Variants in SDK1 observed in about 807,000 individuals in gnomAD.
SDK1 encodes protein sidekick-1.
A neutral mutation model predicts 245.5 loss-of-function variants in SDK1; 157 were observed. The observed-to-expected ratio is 0.64, with a 90% CI of 0.56 to 0.73. The LOEUF is 0.73. Among genes scored for constraint, SDK1 ranks in the 30% least tolerant of loss-of-function variants. The pLI, the probability that SDK1 is intolerant of heterozygous loss-of-function variation, is 0.00. For synonymous variants in SDK1, 1,647 were observed against 1,278.5 expected, an observed-to-expected ratio of 1.29 and a Z score of -6.15; for missense variants, 3,583 against 3,002.3, an observed-to-expected ratio of 1.19 and a Z score of -4.52.
At chr7:4,150,044 TAGC>T (rs894682535) in intron 30 of SDK1, among the ~76,000 whole-genome samples, 2 of 152,082 alleles carry the variant, frequency 1.3e-5, no homozygotes, top group African/African-American at 4.8e-5. Flanking sequence ...GCATTGACAA[TAGC>T]AGCGGCGTTC....
At chr7:3,903,682 T>C (rs930867723) in intron 5 of SDK1, among the ~76,000 whole-genome samples, 1 of 152,200 alleles carries the variant, frequency 6.6e-6, no homozygotes, top group African/African-American at 2.4e-5. Flanking sequence ...ACATGTTTTT[T>C]AGCACTCATG....
chr7:3,876,716 T>C (rs925557603), intron 5 of SDK1, among the ~76,000 whole-genome samples: 38 of 152,356 alleles, frequency 2.5e-4, no homozygotes, highest in Non-Finnish European at 4.6e-4. Context: ...GGATACTTAC[T>C]GTCTTTTCTT....
At chr7:3,505,683 G>A (rs371109146) in intron 1 of SDK1, among the ~76,000 whole-genome samples, 6 of 151,864 alleles carry the variant, frequency 4.0e-5, no homozygotes, top group African/African-American at 1.5e-4. Context: ...AAATAAACTC[G>A]GCCCTCTATG....
chr7:3,663,141 G>A (rs181167091), intron 4 of SDK1, among the ~76,000 whole-genome samples: 112 of 152,242 alleles, frequency 7.4e-4, no homozygotes, highest in Admixed American at 1.2e-3. Flanking sequence ...GTTTTCAATG[G>A]TAAGCAGAAA....
chr7:3,905,163 C>T (rs1778854277), intron 5 of SDK1, among the ~76,000 whole-genome samples: 1 of 151,628 alleles, frequency 6.6e-6, no homozygotes, highest in African/African-American at 2.4e-5. Context: ...CACATCAGTT[C>T]ATAGATAACT....
intron 1 of SDK1, among the ~76,000 whole-genome samples, chr7:3,532,484 G>A (rs1310400393): frequency 6.6e-6 from 1 of 152,100 alleles, no homozygotes; most frequent in Non-Finnish European, 1.5e-5. Context: ...TCTTCATGGT[G>A]GAGTAAATTG....
rs562472319 is a variant in SDK1, at chr7:3,622,875, A to T, written c.458+3636A>T. Among the ~76,000 whole-genome samples, 13 of 152,300 alleles carry T rather than the reference A, an allele frequency of 8.5e-5. No individual in the cohort carries two copies. The South Asian group carries it at 2.7e-3, about 32-fold the overall frequency. ...AGGGCCTCAGACACTTAGATGGGTT[A>T]TCAGGAATCTATCATAGCTTGCTTT... On this transcript the variant is annotated intron_variant, in intron 2 of 44. Transcript: ENST00000404826.
intron 44 of SDK1, among the ~76,000 whole-genome samples, chr7:4,255,103 A>C (rs994993294): frequency 6.6e-6 from 1 of 152,184 alleles, no homozygotes; most frequent in East Asian, 1.9e-4. Flanking sequence ...TTGCTCTGAC[A>C]CTAAGAGGCC....
At chr7:3,560,041 C>G (rs375390437) in intron 1 of SDK1, among the ~76,000 whole-genome samples, 2 of 152,312 alleles carry the variant, frequency 1.3e-5, no homozygotes, top group African/African-American at 2.4e-5. Flanking sequence ...TCAAAGCAAC[C>G]TGTCATGAGC....
intron 5 of SDK1, among the ~76,000 whole-genome samples, chr7:3,918,898 C>G (rs1235272648): frequency 1.3e-5 from 2 of 152,192 alleles, no homozygotes; most frequent in African/African-American, 4.8e-5. Context: ...ATTCGTGCCA[C>G]TTGCAGTTCC....
intron 30 of SDK1, among the ~76,000 whole-genome samples, chr7:4,153,357 G>C (rs993915654): frequency 6.6e-6 from 1 of 151,986 alleles, no homozygotes; most frequent in Admixed American, 6.6e-5. Context: ...AGGCCGAGGC[G>C]GGTGGATCAC....
chr7:3,345,988 C>G (rs996933084), intron 1 of SDK1, among the ~76,000 whole-genome samples: 2 of 152,116 alleles, frequency 1.3e-5, no homozygotes, highest in African/African-American at 4.8e-5. Flanking sequence ...TAAAACAGTT[C>G]TTTTAGAATA....
intron 1 of SDK1, among the ~76,000 whole-genome samples, chr7:3,581,610 CAG>C (rs1405226183): frequency 6.6e-6 from 1 of 152,114 alleles, no homozygotes. Flanking sequence ...GAGCTAAAAA[CAG>C]AACTACCATT....
chr7:3,415,229 G>C (rs1779327271), intron 1 of SDK1, among the ~76,000 whole-genome samples: 1 of 152,174 alleles, frequency 6.6e-6, no homozygotes, highest in Non-Finnish European at 1.5e-5. Context: ...AAGTGCATAT[G>C]TTACAAAAAA....
intron 1 of SDK1, among the ~76,000 whole-genome samples, chr7:3,419,363 C>G (rs565485358): frequency 6.6e-6 from 1 of 152,176 alleles, no homozygotes; most frequent in Non-Finnish European, 1.5e-5. Context: ...TTAGGATCCA[C>G]TGTTGTTCCC....
chr7:4,254,422 A>G (rs1348451252), intron 44 of SDK1, among the ~76,000 whole-genome samples: 1 of 152,116 alleles, frequency 6.6e-6, no homozygotes, highest in African/African-American at 2.4e-5. Flanking sequence ...TGAATTTTAA[A>G]TTTCAGTTAT....
At chr7:3,709,574 T>G (rs947244737) in intron 4 of SDK1, among the ~76,000 whole-genome samples, 3 of 152,216 alleles carry the variant, frequency 2.0e-5, no homozygotes, top group African/African-American at 4.8e-5. Context: ...GTGGTTTCTT[T>G]CCATTTTTCT....
intron 22 of SDK1, among the ~76,000 whole-genome samples, chr7:4,103,522 T>A (rs1282110959): frequency 1.3e-5 from 2 of 152,232 alleles, no homozygotes; most frequent in African/African-American, 4.8e-5. Context: ...TTATAGAAAT[T>A]TCAGTTTCTC....
In SDK1 at chr7:4,154,667, G is replaced by A. The variant is rs577788315; in HGVS notation, c.4626-3781G>A. Among the ~76,000 whole-genome samples, 48 of 152,262 alleles carry A rather than the reference G, an allele frequency of 3.2e-4. 1 individual carries two copies. In the South Asian group the frequency reaches 7.9e-3, roughly 25 times the overall value. ...ATGCGTGATGGGATGTCATTTTCAC[G>A]ACAGCCCTGGAAGCCCCGGTGCTGC... On this transcript the variant is annotated intron_variant, in intron 30 of 44. Transcript: ENST00000404826.
Sources: gnomAD v4.1 joint callset for allele counts (sites outside exome capture counted in the v4.1 genomes callset) on GRCh38, gnomAD v4.1.1 for gene constraint, MANE v1.5 for transcripts, NCBI Gene and HGNC (gene_info 2026-07-23, HGNC 2026-07-21) for gene names.